The following ARHGAP24 variants were observed in gnomAD, a reference collection of about 807,000 sequenced individuals.
ARHGAP24 encodes Rho GTPase activating protein 24, also known as rho GTPase-activating protein 24.
Under a neutral mutation model 76.4 loss-of-function variants are expected in ARHGAP24, and 50 were observed. The ratio of observed to expected loss-of-function variants is 0.65; its 90% confidence interval spans 0.52 to 0.83. The LOEUF is 0.83. ARHGAP24 is among the 40% of genes least tolerant of loss of function. ARHGAP24 has a pLI of 0.00. For synonymous variants in ARHGAP24, 345 were observed against 323.3 expected, an observed-to-expected ratio of 1.07 and a Z score of -0.72; for missense variants, 930 against 914.2, an observed-to-expected ratio of 1.02 and a Z score of -0.22.
At chr4:85,725,813 T>C (rs1725146987) in intron 3 of ARHGAP24, among the ~76,000 whole-genome samples, 1 of 152,168 alleles carries the variant, frequency 6.6e-6, no homozygotes. Flanking sequence ...GCCTGCAACG[T>C]AAGGGAAATG....
intron 5 of ARHGAP24, among the ~76,000 whole-genome samples, chr4:85,970,538 A>C (rs370902516): frequency 1.3e-5 from 2 of 152,100 alleles, no homozygotes; most frequent in African/African-American, 4.8e-5. Context: ...TTAGGAGTAG[A>C]TGTGCAGTAA....
chr4:85,786,977 A>G (rs2110091002), intron 3 of ARHGAP24, among the ~76,000 whole-genome samples: 1 of 152,318 alleles, frequency 6.6e-6, no homozygotes, highest in South Asian at 2.1e-4. Context: ...TAACCAGTCC[A>G]TTCAAGCTCA....
intron 5 of ARHGAP24, among the ~76,000 whole-genome samples, chr4:85,942,705 T>C (rs1020289707): frequency 1.3e-5 from 2 of 152,124 alleles, no homozygotes; most frequent in African/African-American, 2.4e-5. Flanking sequence ...TATTTTTAAA[T>C]ATATAGCTCT....
At chr4:85,514,848 T>C (rs973663381) in intron 1 of ARHGAP24, among the ~76,000 whole-genome samples, 4 of 132,836 alleles carry the variant, frequency 3.0e-5, no homozygotes, top group African/African-American at 1.1e-4. Context: ...AAAAAAGTGA[T>C]ATTGTCTGTC....
At chr4:85,642,269 A>G (rs1721551759) in intron 2 of ARHGAP24, among the ~76,000 whole-genome samples, 1 of 152,172 alleles carries the variant, frequency 6.6e-6, no homozygotes, top group African/African-American at 2.4e-5. Context: ...ATGCCTCAAC[A>G]TCATAACAAG....
chr4:85,689,965 G>A (rs1284585650), intron 2 of ARHGAP24, among the ~76,000 whole-genome samples: 1 of 152,110 alleles, frequency 6.6e-6, no homozygotes, highest in Middle Eastern at 3.2e-3. Flanking sequence ...AATGATTCTA[G>A]CTTTTGCCCA....
chr4:85,854,241 A>G (rs1731431497), intron 3 of ARHGAP24, among the ~76,000 whole-genome samples: 1 of 152,210 alleles, frequency 6.6e-6, no homozygotes, highest in Non-Finnish European at 1.5e-5. Context: ...TGTAATAATC[A>G]GCATTTTAAA....
chr4:85,852,609 T>C (rs1731302637), intron 3 of ARHGAP24, among the ~76,000 whole-genome samples: 2 of 152,264 alleles, frequency 1.3e-5, no homozygotes, highest in South Asian at 4.1e-4. Flanking sequence ...TGGTCTTTGA[T>C]GATGGTGACC....
intron 8 of ARHGAP24, among the ~76,000 whole-genome samples, chr4:85,981,693 C>G (rs1318316042): frequency 6.6e-6 from 1 of 151,960 alleles, no homozygotes; most frequent in Non-Finnish European, 1.5e-5. Context: ...TCTCCTAGTC[C>G]TTCCCAATTT....
At chr4:85,988,871 C>A (rs1740159916) in intron 8 of ARHGAP24, among the ~76,000 whole-genome samples, 1 of 151,520 alleles carries the variant, frequency 6.6e-6, no homozygotes, top group South Asian at 2.1e-4. Flanking sequence ...AAAGTTCTAC[C>A]AAGTTTGTGT....
Position 85,578,182 on chromosome 4 carries a change from T to C in ARHGAP24, c.180+7461T>C, listed in dbSNP as rs143394953. On this transcript the variant is annotated intron_variant, in intron 2 of 9. Transcript: ENST00000395184. Reference sequence around the variant, plus strand: ...CGTGGCAGTCCTGCAACTCCTATAATTGACTATTTTATATTATTATCTAGT... The same window carrying C: ...CGTGGCAGTCCTGCAACTCCTATAACTGACTATTTTATATTATTATCTAGT... 5.5e-3 allele frequency among the ~76,000 whole-genome samples: 841 copies of C among 152,338 alleles called. 4 individuals carry two copies. The highest frequency in any genetic ancestry group is 0.024 in the Middle Eastern group (7 of 294).
At chr4:85,556,261 C>T (rs1161283397) in intron 1 of ARHGAP24, among the ~76,000 whole-genome samples, 1 of 152,098 alleles carries the variant, frequency 6.6e-6, no homozygotes, top group Admixed American at 6.5e-5. Flanking sequence ...CTGAGGGCAT[C>T]AGGTACAGAG....
intron 5 of ARHGAP24, among the ~76,000 whole-genome samples, chr4:85,955,369 G>T (rs1271928696): frequency 6.6e-6 from 1 of 151,880 alleles, no homozygotes; most frequent in Non-Finnish European, 1.5e-5. Context: ...ATTGCAAACT[G>T]GGTAGCTAAA....
At chr4:85,578,498 G>A (rs781333389) in intron 2 of ARHGAP24, among the ~76,000 whole-genome samples, 2 of 152,198 alleles carry the variant, frequency 1.3e-5, no homozygotes, top group Non-Finnish European at 2.9e-5. Context: ...ACTTCCCTGG[G>A]AGGCAGTTGA....
At chr4:85,733,420 T>C (rs1725493166) in intron 3 of ARHGAP24, among the ~76,000 whole-genome samples, 1 of 152,080 alleles carries the variant, frequency 6.6e-6, no homozygotes, top group African/African-American at 2.4e-5. Flanking sequence ...GGGGCACTGG[T>C]TTAAGGACTC....
At chr4:85,643,234 GTTTT>G (rs70948741) in intron 2 of ARHGAP24, among the ~76,000 whole-genome samples, 1 of 54,610 alleles carries the variant, frequency 1.8e-5, no homozygotes, top group African/African-American at 5.9e-5. Context: ...GTTTTTTTGT[GTTTT>G]TTTTTTTTTT....
Position 85,504,885 on chromosome 4 carries a change from T to G in ARHGAP24, c.-21+29326T>G, listed in dbSNP as rs1723974998. 2.6e-5 allele frequency among the ~76,000 whole-genome samples: 4 copies of G among 152,204 alleles called. No individual in the cohort carries two copies. The South Asian group carries it at 8.3e-4, about 31-fold the overall frequency. On this transcript the variant is annotated intron_variant, in intron 1 of 9. Coordinates refer to ENST00000395184, the MANE Select transcript of ARHGAP24 (RefSeq NM_001025616.3). ...GTTGTTCCTTTCCATGTTTAGTGCTTCTTTCAGGAGCTCTTTTAGGGCAGG... is the reference window on the plus strand; with the variant it reads ...GTTGTTCCTTTCCATGTTTAGTGCTGCTTTCAGGAGCTCTTTTAGGGCAGG...
chr4:85,973,486 C>G (rs1242588049), intron 6 of ARHGAP24, among the ~76,000 whole-genome samples: 4 of 152,104 alleles, frequency 2.6e-5, no homozygotes, highest in South Asian at 4.2e-4. Context: ...GTTGTCTCTT[C>G]ATTTTATTGA....
intron 3 of ARHGAP24, among the ~76,000 whole-genome samples, chr4:85,870,601 T>A (rs2110190336): frequency 6.6e-6 from 1 of 152,290 alleles, no homozygotes; most frequent in Admixed American, 6.5e-5. Context: ...CTAACTCATC[T>A]GTTTGGGGTG....
Sources: gnomAD v4.1 joint callset for allele counts (sites outside exome capture counted in the v4.1 genomes callset) on GRCh38, gnomAD v4.1.1 for gene constraint, MANE v1.5 for transcripts, NCBI Gene and HGNC (gene_info 2026-07-23, HGNC 2026-07-21) for gene names.